CDH12: variants seen among roughly 807,000 people sequenced by gnomAD.
CDH12 encodes cadherin-12.
In CDH12, 41 loss-of-function variants were observed where a neutral mutation model predicts 74.1. The ratio of observed to expected loss-of-function variants is 0.55; its 90% CI spans 0.43 to 0.72. The LOEUF is 0.72. Among genes scored for constraint, CDH12 ranks in the 30% least tolerant of loss-of-function variants. CDH12 has a pLI of 0.00. For synonymous variants in CDH12, 399 were observed against 355.0 expected (o/e 1.12, Z -1.39); for missense variants, 945 against 977.2 (o/e 0.97, Z 0.44).
chr5:22,008,917 C>G (rs536440326), intron 5 of CDH12, among the ~76,000 whole-genome samples: 1 of 152,200 alleles, frequency 6.6e-6, no homozygotes, highest in Non-Finnish European at 1.5e-5. Flanking sequence ...GTCTCTGAGA[C>G]AGTCATGATT....
intron 4 of CDH12, among the ~76,000 whole-genome samples, chr5:22,182,404 C>A (rs1402592988): frequency 6.6e-6 from 1 of 152,082 alleles, no homozygotes; most frequent in Non-Finnish European, 1.5e-5. Flanking sequence ...GTCCATTTTA[C>A]CTACCATAAG....
chr5:22,175,072 C>A (rs1240323480), intron 4 of CDH12, among the ~76,000 whole-genome samples: 1 of 151,752 alleles, frequency 6.6e-6, no homozygotes, highest in Non-Finnish European at 1.5e-5. Context: ...TATTAAATGC[C>A]TAATTATTTA....
intron 2 of CDH12, among the ~76,000 whole-genome samples, chr5:22,469,182 C>T (rs544041484): frequency 1.3e-5 from 2 of 152,288 alleles, no homozygotes; most frequent in African/African-American, 2.4e-5. Flanking sequence ...GTATACTCTC[C>T]ACCAAGTGAA....
chr5:21,826,699 G>T (rs1487657663), intron 8 of CDH12, among the ~76,000 whole-genome samples: 2 of 152,050 alleles, frequency 1.3e-5, no homozygotes, highest in Non-Finnish European at 2.9e-5. Context: ...TGAAGGAAAC[G>T]AATAAATTTT....
chr5:22,548,704 C>T (rs1008066259), intron 1 of CDH12, among the ~76,000 whole-genome samples: 3 of 152,000 alleles, frequency 2.0e-5, no homozygotes, highest in Non-Finnish European at 2.9e-5. Context: ...GGCCATCCTC[C>T]GAGAGGCAGG....
intron 3 of CDH12, among the ~76,000 whole-genome samples, chr5:22,278,792 T>C (rs769958088): frequency 6.6e-6 from 1 of 152,154 alleles, no homozygotes; most frequent in Non-Finnish European, 1.5e-5. Context: ...ATAATTTTGC[T>C]TTCCACAGAG....
intron 2 of CDH12, among the ~76,000 whole-genome samples, chr5:22,493,879 C>T (rs1425523061): frequency 6.6e-6 from 1 of 152,074 alleles, no homozygotes; most frequent in Non-Finnish European, 1.5e-5. Flanking sequence ...AGACAATAAA[C>T]AATGTGATGG....
intron 10 of CDH12, among the ~76,000 whole-genome samples, chr5:21,790,305 A>G (rs745937522): frequency 6.6e-6 from 1 of 152,158 alleles, no homozygotes; most frequent in Non-Finnish European, 1.5e-5. Flanking sequence ...CTTACATAAT[A>G]TATACATCAA....
At chr5:21,904,785 A>T (rs1299384039) in intron 6 of CDH12, among the ~76,000 whole-genome samples, 2 of 151,972 alleles carry the variant, frequency 1.3e-5, no homozygotes, top group Non-Finnish European at 2.9e-5. Flanking sequence ...TCTAAAAACA[A>T]ACAAACAAAC....
At chr5:22,400,284 C>T (rs1742672515) in intron 3 of CDH12, among the ~76,000 whole-genome samples, 1 of 151,870 alleles carries the variant, frequency 6.6e-6, no homozygotes, top group Non-Finnish European at 1.5e-5. Context: ...ACAAAGGTCA[C>T]AGTACAACAA....
intron 1 of CDH12, among the ~76,000 whole-genome samples, chr5:22,749,488 A>G (rs1745453178): frequency 6.6e-6 from 1 of 152,224 alleles, no homozygotes; most frequent in Non-Finnish European, 1.5e-5. Context: ...TAAATGCTAC[A>G]AGAACGGGAT....
chr5:21,751,819 A>C lies in CDH12; in HGVS notation c.2303T>G (p.Leu768Arg). 3 of 1,614,090 alleles carry C rather than the reference A, an allele frequency of 1.9e-6. No individual in the cohort carries two copies. Among genetic ancestry groups the C allele is most frequent in the Non-Finnish European group, 2.5e-6 (3 of 1,179,980 alleles). ...TTTAAAGCGGGGTCCCCAGTCTGTC[A>C]GATAGTCATAGTCCTGGTCGGCTTC... ...TTEADQDYDY[L>R]TDWGPRFKVL... The change falls in exon 15 of 15, where the codon CTG becomes CGG. Residue 768 changes from leucine (L) to arginine (R), a missense_variant. This residue lies in a region of CDH12 where 791 missense variants were observed against 792.8 expected (regional missense o/e 1.00). Transcript: ENST00000382254.
chr5:22,280,791 G>C (rs1490807466), intron 3 of CDH12, among the ~76,000 whole-genome samples: 1 of 152,126 alleles, frequency 6.6e-6, no homozygotes, highest in African/African-American at 2.4e-5. Flanking sequence ...TTCTACGAGA[G>C]GTACAAGGAG....
chr5:22,217,918 G>C (rs1751877234), intron 3 of CDH12, among the ~76,000 whole-genome samples: 1 of 151,532 alleles, frequency 6.6e-6, no homozygotes, highest in African/African-American at 2.4e-5. Context: ...GGGACAACTA[G>C]TATCAAATGA....
chr5:22,366,373 T>C (rs1282082064), intron 3 of CDH12, among the ~76,000 whole-genome samples: 1 of 152,108 alleles, frequency 6.6e-6, no homozygotes, highest in Non-Finnish European at 1.5e-5. Context: ...ATAGATAATA[T>C]GTATAGAGAT....
At chr5:22,753,175 T>C (rs1745684636) in intron 1 of CDH12, among the ~76,000 whole-genome samples, 1 of 151,632 alleles carries the variant, frequency 6.6e-6, no homozygotes, top group Admixed American at 6.6e-5. Flanking sequence ...ATTAACAAGC[T>C]TGATAAACTC....
At position 21,787,881 on chromosome 5, in the gene CDH12, A is replaced by G. The variant is rs16888398; in HGVS notation, c.1257-4387T>C. On this transcript the variant is annotated intron_variant, in intron 10 of 14. Transcript: ENST00000382254. ...TACCGCATATTCTTTTCTGAACAAG[A>G]AAGCATTTCTCAAAATACTTCTTTA... 2.9e-3 allele frequency among the ~76,000 whole-genome samples: 447 copies of G among 152,326 alleles called. 5 individuals are homozygous for G. Among genetic ancestry groups the G allele is most frequent in the Middle Eastern group, 0.014 (4 of 294 alleles).
chr5:22,540,629 CT>C (rs1240098048), intron 1 of CDH12, among the ~76,000 whole-genome samples: 10 of 152,106 alleles, frequency 6.6e-5, no homozygotes, highest in South Asian at 6.2e-4. Flanking sequence ...CACAGGATTT[CT>C]TTTAGTACCT....
rs1044350618 is a variant in CDH12, at chr5:21,898,514, G to A, written c.527-43724C>T. 1.1e-3 allele frequency among the ~76,000 whole-genome samples: 170 copies of A among 152,008 alleles called. 1 individual carries two copies. Among genetic ancestry groups the A allele is most frequent in the Middle Eastern group, 3.4e-3 (1 of 294 alleles). ...TCAGGAGATCGAGACCATCCTGGCT[G>A]ACACGGTGAAACCCCGTCTCTACTA... On this transcript the variant is annotated intron_variant, in intron 6 of 14. Transcript: ENST00000382254.
Sources: gnomAD v4.1 joint callset for allele counts (sites outside exome capture counted in the v4.1 genomes callset) on GRCh38, gnomAD v4.1.1 for gene constraint, gnomAD v4.1.1 regional missense constraint, MANE v1.5 for transcripts, NCBI Gene and HGNC (gene_info 2026-07-23, HGNC 2026-07-21) for gene names.